Variants in AHSA1 observed in about 807,000 individuals in gnomAD.
The protein encoded by AHSA1 is activator of 90 kDa heat shock protein ATPase homolog 1.
Under a neutral mutation model 46.1 loss-of-function variants are expected in AHSA1, and 14 were observed. The ratio of observed to expected loss-of-function variants is 0.30; its 90% CI spans 0.20 to 0.47. The LOEUF (loss-of-function observed/expected upper bound fraction) is 0.47, where lower values mean the gene tolerates loss of function less well. Ranked by LOEUF, AHSA1 falls within the 20% of genes least tolerant of loss-of-function variation. The pLI, the probability that AHSA1 is intolerant of heterozygous loss-of-function variation, is 0.99. For missense variants in AHSA1, 333 were observed against 415.9 expected, an observed-to-expected ratio of 0.80 and a Z score of 1.73; for synonymous variants, 147 against 145.8, an observed-to-expected ratio of 1.01 and a Z score of -0.06.
chr14:77,464,356 A>G (rs1275316944), intron 4 of AHSA1, among the ~76,000 whole-genome samples: 3 of 152,180 alleles, frequency 2.0e-5, no homozygotes, highest in African/African-American at 7.2e-5. Context: ...GCCTGGTGAC[A>G]GAGCAAGACT....
At chr14:77,462,365 C>A in intron 3 of AHSA1, 123 bp downstream of exon 3, 2 of 968,712 alleles carry the variant, frequency 2.1e-6, no homozygotes, top group South Asian at 1.6e-5. Context: ...CCCTAGCCTG[C>A]AGATAATTTT....
At chr14:77,465,352 G>T (rs1319767029) in intron 5 of AHSA1, among the ~76,000 whole-genome samples, 187 bp from the exon 6 acceptor site, 1 of 152,152 alleles carries the variant, frequency 6.6e-6, no homozygotes, top group Non-Finnish European at 1.5e-5. Flanking sequence ...AATTGAGGAG[G>T]TTTCCAGAAT....
rs1171756105 is a variant in AHSA1 at position 77,469,192 on chromosome 14, G to A, written c.960G>A (p.Gln320=). The change falls in exon 9 of 9, where the codon CAG becomes CAA. Residue 320 remains glutamine, a synonymous_variant. Transcript: ENST00000216479. ...PEEERTRQGW[Q]RYYFEGIKQT... Reference sequence around the variant, plus strand: ...AAGAGCGGACGCGACAGGGCTGGCAGCGGTACTACTTTGAGGGCATTAAAC... The same window carrying A: ...AAGAGCGGACGCGACAGGGCTGGCAACGGTACTACTTTGAGGGCATTAAAC... 5 of 1,613,972 alleles carry A rather than the reference G, an allele frequency of 3.1e-6. No homozygotes were observed. Among genetic ancestry groups the A allele is most frequent in the Admixed American group, 3.3e-5 (2 of 59,988 alleles).
intron 1 of AHSA1, among the ~76,000 whole-genome samples, chr14:77,458,837 T>C (rs2079003524): frequency 6.6e-6 from 1 of 152,172 alleles, no homozygotes; most frequent in Admixed American, 6.5e-5. Flanking sequence ...GCCGTGGTTT[T>C]ATAACCTGAC....
intron 4 of AHSA1, among the ~76,000 whole-genome samples, chr14:77,464,325 T>TG (rs1475751930): frequency 6.6e-6 from 1 of 151,876 alleles, no homozygotes; most frequent in South Asian, 2.1e-4. Context: ...TGCAGTGAGT[T>TG]GGAGTGCAGG....
intron 6 of AHSA1, among the ~76,000 whole-genome samples, chr14:77,467,172 G>A (rs1228777000): frequency 6.6e-6 from 1 of 152,178 alleles, no homozygotes; most frequent in Non-Finnish European, 1.5e-5. Flanking sequence ...GCTGAGGCGG[G>A]TGAATTACTT....
chr14:77,467,889 A>G (rs2079054332), intron 6 of AHSA1, among the ~76,000 whole-genome samples, 194 bp from the exon 7 acceptor site: 1 of 152,210 alleles, frequency 6.6e-6, no homozygotes, highest in African/African-American at 2.4e-5. Context: ...TCATCAGATC[A>G]GAAAGAATTC....
chr14:77,458,365 AG>A (rs2078997747), intron 1 of AHSA1, 96 bp downstream of exon 1: 2 of 1,312,550 alleles, frequency 1.5e-6, no homozygotes, highest in African/African-American at 3.1e-5. Context: ...GCTGGGGCTG[AG>A]GTAGCCCTGT....
intron 1 of AHSA1, among the ~76,000 whole-genome samples, 157 bp downstream of exon 1, chr14:77,458,426 C>A (rs2078998818): frequency 6.6e-6 from 1 of 152,094 alleles, no homozygotes; most frequent in Admixed American, 6.5e-5. Flanking sequence ...TAGCCCCAGG[C>A]CTCTCCACTC....
chr14:77,469,083 T>C lies in AHSA1; in HGVS notation c.851T>C (p.Phe284Ser). The C allele has an allele frequency of 6.2e-7, 1 of 1,614,024 alleles. No individual in the cohort carries two copies. Among genetic ancestry groups the C allele is most frequent in the South Asian group, 1.1e-5 (1 of 91,064 alleles). ...TCCCCTCTGCCTTTCCCAGGACACT[T>C]TGCCACCATCACCTTGACCTTCATC... ...WRFKSWPEGH[F>S]ATITLTFIDK... Residue 284 changes from phenylalanine (F) to serine (S), a missense_variant, in exon 9 of 9, where the codon TTT becomes TCT. By Grantham distance (155) the Phe-to-Ser change is radical. Coordinates refer to ENST00000216479, the MANE Select transcript of AHSA1 (RefSeq NM_012111.3).
intron 3 of AHSA1, 36 bp downstream of exon 3, chr14:77,462,278 T>C: frequency 1.9e-6 from 3 of 1,562,936 alleles, no homozygotes; most frequent in Non-Finnish European, 2.6e-6. Context: ...GAGTCCTCTA[T>C]ATCCTCTTAT....
At chr14:77,467,397 C>G (rs1403919330) in intron 6 of AHSA1, among the ~76,000 whole-genome samples, 1 of 149,386 alleles carries the variant, frequency 6.7e-6, no homozygotes, top group African/African-American at 2.5e-5. Flanking sequence ...AGACCTATCT[C>G]AAAAAAAATA....
chr14:77,467,616 C>G (rs991363417), intron 6 of AHSA1, among the ~76,000 whole-genome samples: 1 of 152,158 alleles, frequency 6.6e-6, no homozygotes, highest in African/African-American at 2.4e-5. Flanking sequence ...TTGCTTAAAA[C>G]CTGGACGGGC....
At chr14:77,463,542 C>T (rs571343828) in intron 4 of AHSA1, among the ~76,000 whole-genome samples, 27 of 144,784 alleles carry the variant, frequency 1.9e-4, no homozygotes, top group African/African-American at 6.4e-4. Flanking sequence ...GCCAAGAACG[C>T]GCCATTGCAC....
intron 1 of AHSA1, among the ~76,000 whole-genome samples, chr14:77,458,677 G>A (rs1185151530): frequency 6.6e-6 from 1 of 152,186 alleles, no homozygotes; most frequent in African/African-American, 2.4e-5. Context: ...TGCGGCCTGC[G>A]GTAAAATTAA....
rs2079025352 is a variant in AHSA1 at position 77,461,605 on chromosome 14, C to T, written c.272-555C>T. 2.6e-5 allele frequency among the ~76,000 whole-genome samples: 4 copies of T among 152,158 alleles called. No individual in the cohort carries two copies. In the South Asian group the frequency reaches 8.3e-4, roughly 32 times the overall value. ...GGAATGGTAGAAGGAGAGTCATCCACAATCAGAGGGAACATTACACTCGTT... is the reference window on the plus strand; with the variant it reads ...GGAATGGTAGAAGGAGAGTCATCCATAATCAGAGGGAACATTACACTCGTT... On this transcript the variant is annotated intron_variant, in intron 2 of 8. Coordinates refer to ENST00000216479, the MANE Select transcript of AHSA1 (RefSeq NM_012111.3).
chr14:77,467,129 T>G (rs1271866558), intron 6 of AHSA1, among the ~76,000 whole-genome samples: 1 of 152,222 alleles, frequency 6.6e-6, no homozygotes, highest in Non-Finnish European at 1.5e-5. Context: ...CCAGGCACAG[T>G]GGCTTACATC....
chr14:77,467,157 G>A (rs1051377193), intron 6 of AHSA1, among the ~76,000 whole-genome samples: 10 of 152,194 alleles, frequency 6.6e-5, no homozygotes, highest in Admixed American at 5.2e-4. Context: ...CCAGCACTTT[G>A]AGGGGCTGAG....
Position 77,462,779 on chromosome 14 carries a change from G to A in AHSA1, c.472+20G>A, listed in dbSNP as rs2139939650. On this transcript the variant is annotated intron_variant, in intron 4 of 8. Coordinates refer to ENST00000216479, the MANE Select transcript of AHSA1 (RefSeq NM_012111.3). ...AAACAGGTATCCCTTGAGTAGTTCT[G>A]TATGCCTTAAGGAGGTAGTTTCCAC... 1 of 1,602,268 alleles carries A rather than the reference G, an allele frequency of 6.2e-7. No homozygotes were observed. Among genetic ancestry groups the A allele is most frequent in the African/African-American group, 1.3e-5 (1 of 74,806 alleles).
Sources: allele counts gnomAD v4.1 joint callset (sites outside exome capture counted in the v4.1 genomes callset), GRCh38; gene constraint gnomAD v4.1.1; transcripts MANE v1.5; gene names NCBI Gene and HGNC (gene_info 2026-07-23, HGNC 2026-07-21).